Variants in GRM3 observed in about 807,000 individuals in gnomAD.
GRM3 encodes the protein glutamate metabotropic receptor 3.
GRM3 carries 26 observed loss-of-function variants against 70.5 expected under a neutral mutation model. The observed-to-expected ratio is 0.37, with a 90% CI of 0.27 to 0.51. The LOEUF is 0.51. GRM3 is among the 20% of genes least tolerant of loss of function. GRM3 has a pLI of 0.93. For missense variants in GRM3, 859 were observed against 1,123.8 expected, an observed-to-expected ratio of 0.76 and a Z score of 3.37; for synonymous variants, 443 against 434.9, an observed-to-expected ratio of 1.02 and a Z score of -0.23.
intron 1 of GRM3, among the ~76,000 whole-genome samples, chr7:86,733,184 G>C (rs934633785): frequency 3.3e-5 from 5 of 151,938 alleles, no homozygotes; most frequent in African/African-American, 1.2e-4. Context: ...CATGCTGGCA[G>C]GCATCTGTGG....
At chr7:86,754,357 A>G (rs1222418848) in intron 1 of GRM3, among the ~76,000 whole-genome samples, 1 of 152,196 alleles carries the variant, frequency 6.6e-6, no homozygotes, top group Non-Finnish European at 1.5e-5. Context: ...ATGGGTAACA[A>G]ATTAACTTGC....
intron 1 of GRM3, among the ~76,000 whole-genome samples, chr7:86,695,952 T>C (rs12704282): frequency 0.2 from 31,133 of 152,118 alleles, 3,238 homozygotes; most frequent in African/African-American, 0.25. Flanking sequence ...AAAGGTACAG[T>C]TTACCTTAGC....
At chr7:86,653,706 A>G (rs1584140329) in intron 1 of GRM3, among the ~76,000 whole-genome samples, 1 of 151,826 alleles carries the variant, frequency 6.6e-6, no homozygotes, top group South Asian at 2.1e-4. Flanking sequence ...ATATTAATAT[A>G]TTAGAAAGAG....
chr7:86,716,935 T>C (rs1795331538), intron 1 of GRM3, among the ~76,000 whole-genome samples: 2 of 151,860 alleles, frequency 1.3e-5, no homozygotes, highest in Non-Finnish European at 2.9e-5. Flanking sequence ...CACCAGAACA[T>C]AGTACTCTGG....
intron 1 of GRM3, among the ~76,000 whole-genome samples, chr7:86,724,487 C>G (rs576904219): frequency 6.6e-6 from 1 of 152,032 alleles, no homozygotes; most frequent in Non-Finnish European, 1.5e-5. Flanking sequence ...CCTAGGAGCC[C>G]TTTACATTAT....
intron 2 of GRM3, among the ~76,000 whole-genome samples, chr7:86,780,648 T>C (rs897872949): frequency 7.9e-5 from 12 of 152,208 alleles, no homozygotes; most frequent in African/African-American, 2.9e-4. Flanking sequence ...TATAAGGCCA[T>C]TGTGTTTCTC....
chr7:86,850,972 G>T (rs1261288285), intron 5 of GRM3, among the ~76,000 whole-genome samples: 2 of 152,066 alleles, frequency 1.3e-5, no homozygotes, highest in Non-Finnish European at 2.9e-5. Context: ...ATGTCACACA[G>T]ATGCCAAAGG....
intron 5 of GRM3, among the ~76,000 whole-genome samples, chr7:86,851,287 G>A (rs750386664): frequency 6.6e-6 from 1 of 152,164 alleles, no homozygotes; most frequent in Non-Finnish European, 1.5e-5. Context: ...AGGATACTAG[G>A]ATAGTTCCCA....
intron 1 of GRM3, among the ~76,000 whole-genome samples, chr7:86,730,671 T>C (rs1795712247): frequency 6.6e-6 from 1 of 152,232 alleles, no homozygotes; most frequent in African/African-American, 2.4e-5. Context: ...TCCAACAGTT[T>C]TAGTCTCCTA....
chr7:86,798,453 T>C (rs961631333), intron 3 of GRM3, among the ~76,000 whole-genome samples: 1 of 152,130 alleles, frequency 6.6e-6, no homozygotes, highest in Non-Finnish European at 1.5e-5. Context: ...CCTACTGGAT[T>C]TTGGACTTGC....
At chr7:86,673,792 G>A (rs1337724133) in intron 1 of GRM3, among the ~76,000 whole-genome samples, 1 of 151,970 alleles carries the variant, frequency 6.6e-6, no homozygotes, top group Non-Finnish European at 1.5e-5. Flanking sequence ...CTCTTACCCT[G>A]GTTGCCCAAG....
At chr7:86,675,473 AG>A (rs1418258532) in intron 1 of GRM3, among the ~76,000 whole-genome samples, 2 of 152,086 alleles carry the variant, frequency 1.3e-5, no homozygotes, top group African/African-American at 4.8e-5. Context: ...ATCCAAGTAC[AG>A]TGAGAGCCAA....
chr7:86,644,651 G>A lies in GRM3; in HGVS notation c.-362G>A. On this transcript the variant is annotated 5_prime_UTR_variant, in exon 1 of 6. Transcript: ENST00000361669. ...GTGGTCCAGCGTGCAGCCGGGAGGG[G>A]GCAGGGGCAGGGGGCACTGTGACAG... 13 of 517,128 alleles carry A rather than the reference G, an allele frequency of 2.5e-5. No individual in the cohort carries two copies. The highest frequency in any genetic ancestry group is 1.8e-4 in the South Asian group (12 of 65,064). The allele number at this position is 517,128 out of a possible 1,614,324, so 32.0% of individuals were successfully genotyped here. A position where few individuals can be genotyped will look rare whatever the true frequency, so the allele number is the denominator to read the frequency against.
At chr7:86,717,679 C>T (rs1201960817) in intron 1 of GRM3, among the ~76,000 whole-genome samples, 1 of 151,804 alleles carries the variant, frequency 6.6e-6, no homozygotes, top group Non-Finnish European at 1.5e-5. Context: ...AAAGGCAAAC[C>T]ACAGAAGTGG....
At chr7:86,831,541 C>A (rs1351724468) in intron 3 of GRM3, among the ~76,000 whole-genome samples, 2 of 151,992 alleles carry the variant, frequency 1.3e-5, no homozygotes, top group African/African-American at 2.4e-5. Context: ...TAGCCCTGTC[C>A]CCTGAATTGC....
intron 1 of GRM3, among the ~76,000 whole-genome samples, chr7:86,696,896 C>A (rs1484474665): frequency 2.6e-5 from 4 of 152,170 alleles, no homozygotes; most frequent in Admixed American, 2.6e-4. Flanking sequence ...GTTGCCCAAG[C>A]CCATTGTCTT....
chr7:86,760,280 G>A (rs1584220996), intron 1 of GRM3, among the ~76,000 whole-genome samples: 1 of 152,030 alleles, frequency 6.6e-6, no homozygotes, highest in East Asian at 1.9e-4. Flanking sequence ...GCAGAGTACA[G>A]AAATGCTTTC....
chr7:86,758,348 T>C (rs926328293), intron 1 of GRM3, among the ~76,000 whole-genome samples: 18 of 152,166 alleles, frequency 1.2e-4, no homozygotes, highest in African/African-American at 4.3e-4. Flanking sequence ...ATCCAGTTTC[T>C]ACACTCGGTT....
At chr7:86,705,597 C>T (rs1304384258) in intron 1 of GRM3, among the ~76,000 whole-genome samples, 1 of 151,648 alleles carries the variant, frequency 6.6e-6, no homozygotes, top group Non-Finnish European at 1.5e-5. Context: ...CCCATGTATG[C>T]ATACACTATA....
Sources: gnomAD v4.1 joint callset for allele counts (sites outside exome capture counted in the v4.1 genomes callset) on GRCh38, gnomAD v4.1.1 for gene constraint, MANE v1.5 for transcripts, NCBI Gene and HGNC (gene_info 2026-07-23, HGNC 2026-07-21) for gene names.